The following ITGB8 variants were observed in gnomAD, a reference collection of about 807,000 sequenced individuals.
ITGB8 encodes the protein integrin beta-8.
ITGB8 carries 30 observed loss-of-function variants against 89.5 expected under a neutral mutation model. The observed-to-expected ratio is 0.34, with a 90% CI of 0.25 to 0.45. ITGB8 has a LOEUF of 0.45. Among genes scored for constraint, ITGB8 ranks in the 20% least tolerant of loss-of-function variants. ITGB8 has a pLI of 1.00. For missense variants in ITGB8, 836 were observed against 933.3 expected, an observed-to-expected ratio of 0.90 and a Z score of 1.36; for synonymous variants, 335 against 320.4, an observed-to-expected ratio of 1.05 and a Z score of -0.49.
At chr7:20,383,231 C>T (rs1026101727) in intron 6 of ITGB8, among the ~76,000 whole-genome samples, 6 of 152,172 alleles carry the variant, frequency 3.9e-5, no homozygotes, top group Non-Finnish European at 7.4e-5. Flanking sequence ...ACAGGTTCAA[C>T]ACTTGGTCAT....
At chr7:20,396,787 C>A (rs1382497749) in intron 8 of ITGB8, among the ~76,000 whole-genome samples, 1 of 152,144 alleles carries the variant, frequency 6.6e-6, no homozygotes, top group Non-Finnish European at 1.5e-5. Context: ...CAGATTTTTA[C>A]CTGTGTGTCA....
intron 3 of ITGB8, 29 bp downstream of exon 3, chr7:20,367,215 T>A (rs1785736392): frequency 1.3e-6 from 2 of 1,517,220 alleles, no homozygotes; most frequent in African/African-American, 2.8e-5. Context: ...AAATCTATAA[T>A]GATTCTTAAC....
At chr7:20,394,214 A>C (rs1470997760) in intron 7 of ITGB8, among the ~76,000 whole-genome samples, 1 of 152,224 alleles carries the variant, frequency 6.6e-6, no homozygotes, top group African/African-American at 2.4e-5. Flanking sequence ...ACTTTTTACC[A>C]TCTGATTTCC....
intron 3 of ITGB8, among the ~76,000 whole-genome samples, chr7:20,370,559 G>A (rs1416809649): frequency 6.7e-6 from 1 of 149,756 alleles, no homozygotes. Flanking sequence ...CATCTCTGTG[G>A]TATATAAACT....
At chr7:20,349,116 TTATC>T (rs766360204) in intron 1 of ITGB8, among the ~76,000 whole-genome samples, 35 of 152,132 alleles carry the variant, frequency 2.3e-4, no homozygotes, top group African/African-American at 7.2e-4. Flanking sequence ...TTACGGAAGA[TTATC>T]TATCCTATAA....
chr7:20,380,898 T>G, intron 5 of ITGB8, 67 bp downstream of exon 5: 1 of 1,366,864 alleles, frequency 7.3e-7, no homozygotes. Context: ...AGACGTTTTA[T>G]TTTCTCTTTG....
intron 1 of ITGB8, among the ~76,000 whole-genome samples, chr7:20,349,115 A>C (rs879896438): frequency 1.3e-5 from 2 of 152,166 alleles, no homozygotes; most frequent in African/African-American, 4.8e-5. Flanking sequence ...ATTACGGAAG[A>C]TTATCTATCC....
intron 8 of ITGB8, among the ~76,000 whole-genome samples, chr7:20,398,019 G>C (rs576883658): frequency 6.6e-6 from 1 of 151,876 alleles, no homozygotes; most frequent in Admixed American, 6.6e-5. Context: ...TAGTTGTATG[G>C]AATAAAATGC....
At chr7:20,407,833 A>G (rs750181214) in intron 12 of ITGB8, among the ~76,000 whole-genome samples, 1 of 152,228 alleles carries the variant, frequency 6.6e-6, no homozygotes, top group Non-Finnish European at 1.5e-5. Flanking sequence ...TAAGGAAAGC[A>G]TGGGCTAGGC....
intron 6 of ITGB8, among the ~76,000 whole-genome samples, chr7:20,389,164 A>G (rs962061018): frequency 3.5e-4 from 53 of 152,312 alleles, no homozygotes; most frequent in African/African-American, 1.2e-3. Flanking sequence ...GCTGGGTCCA[A>G]TGATATTTCT....
At chr7:20,354,865 C>T (rs1178731524) in intron 1 of ITGB8, among the ~76,000 whole-genome samples, 1 of 152,178 alleles carries the variant, frequency 6.6e-6, no homozygotes, top group Admixed American at 6.5e-5. Context: ...ATTTCAGTTC[C>T]TCTCAATGCC....
intron 1 of ITGB8, among the ~76,000 whole-genome samples, chr7:20,355,805 A>T (rs551595748): frequency 6.6e-6 from 1 of 152,358 alleles, no homozygotes; most frequent in Non-Finnish European, 1.5e-5. Flanking sequence ...CTGAAAGCGT[A>T]ATTCAGGAGC....
chr7:20,406,751 G>A (rs149651496), intron 12 of ITGB8, among the ~76,000 whole-genome samples: 148 of 152,164 alleles, frequency 9.7e-4, no homozygotes, highest in African/African-American at 3.4e-3. Context: ...TGAGGCTCAG[G>A]GAAATTTTGT....
At chr7:20,381,918 C>T in intron 6 of ITGB8, 33 bp downstream of exon 6, 1 of 1,558,086 alleles carries the variant, frequency 6.4e-7, no homozygotes, top group Non-Finnish European at 8.7e-7. Flanking sequence ...GTAGATATGA[C>T]TCTTTTGGTT....
At chr7:20,392,871 T>C (rs1241636198) in intron 7 of ITGB8, among the ~76,000 whole-genome samples, 1 of 152,212 alleles carries the variant, frequency 6.6e-6, no homozygotes, top group Non-Finnish European at 1.5e-5. Context: ...CAAACTAACA[T>C]CTGCAGAAGT....
At chr7:20,398,642 A>G (rs1787184527) in intron 8 of ITGB8, among the ~76,000 whole-genome samples, 1 of 152,224 alleles carries the variant, frequency 6.6e-6, no homozygotes, top group South Asian at 2.1e-4. Context: ...AAATAGAACA[A>G]TTTGAATGCA....
chr7:20,378,916 C>T, intron 3 of ITGB8, 135 bp from the exon 4 acceptor site: 1 of 396,116 alleles, frequency 2.5e-6, no homozygotes, highest in African/African-American at 2.1e-5. Context: ...ATTATAATTA[C>T]ACTAGCATAT....
chr7:20,347,358 G>A (rs1023481338), intron 1 of ITGB8, among the ~76,000 whole-genome samples: 1 of 152,178 alleles, frequency 6.6e-6, no homozygotes, highest in Non-Finnish European at 1.5e-5. Context: ...TGGCAACAAT[G>A]TATGTGGTGA....
intron 6 of ITGB8, among the ~76,000 whole-genome samples, chr7:20,384,877 A>G (rs1309840070): frequency 6.6e-6 from 1 of 152,234 alleles, no homozygotes; most frequent in Non-Finnish European, 1.5e-5. Context: ...ATGATGTTAC[A>G]CTATTGAATA....
Sources: gnomAD v4.1 joint callset for allele counts (sites outside exome capture counted in the v4.1 genomes callset) on GRCh38, gnomAD v4.1.1 for gene constraint, MANE v1.5 for transcripts, NCBI Gene and HGNC (gene_info 2026-07-23, HGNC 2026-07-21) for gene names.